MYOM1: variants seen among roughly 807,000 people sequenced by gnomAD.
MYOM1 encodes myomesin-1.
Under a neutral mutation model 205.3 loss-of-function variants are expected in MYOM1, and 164 were observed. The ratio of observed to expected loss-of-function variants is 0.80; its 90% CI spans 0.70 to 0.91. The LOEUF is 0.91. MYOM1 is among the 40% of genes least tolerant of loss of function. MYOM1 has a pLI of 0.00. For synonymous variants in MYOM1, 772 were observed against 789.4 expected (o/e 0.98, Z 0.37); for missense variants, 2,011 against 2,127.3 (o/e 0.95, Z 1.08).
chr18:3,108,702 A>G (rs1204202845), intron 22 of MYOM1, among the ~76,000 whole-genome samples: 1 of 152,086 alleles, frequency 6.6e-6, no homozygotes, highest in South Asian at 2.1e-4. Context: ...CACCACACCC[A>G]GCTAATTTTT....
At chr18:3,083,399 C>CT (rs1168927682) in intron 33 of MYOM1, among the ~76,000 whole-genome samples, 1 of 135,456 alleles carries the variant, frequency 7.4e-6, no homozygotes. Context: ...CTTTTTCTTT[C>CT]TTTCTTTTCT....
At chr18:3,128,278 G>A (rs1345920969) in intron 18 of MYOM1, among the ~76,000 whole-genome samples, 1 of 152,158 alleles carries the variant, frequency 6.6e-6, no homozygotes, top group Non-Finnish European at 1.5e-5. Context: ...CTCTCGAGTT[G>A]AGGGACAAAG....
rs765740485 is a variant in MYOM1 at position 3,174,219 on chromosome 18, A to G, written c.1023-11T>C. On this transcript the variant is annotated splice_polypyrimidine_tract_variant and intron_variant, in intron 6 of 37. Transcript: ENST00000356443. ...TCTTCAAAATCACATCTGAAAGAAC[A>G]GACGGAAATGAATATCCATCGTAGT... 23 of 1,609,076 alleles carry G rather than the reference A, an allele frequency of 1.4e-5. No homozygotes were observed. Among genetic ancestry groups the G allele is most frequent in the Non-Finnish European group, 1.9e-5 (22 of 1,176,376 alleles).
chr18:3,087,633 G>T (rs71356087), intron 29 of MYOM1, among the ~76,000 whole-genome samples: 1 of 151,702 alleles, frequency 6.6e-6, no homozygotes, highest in Non-Finnish European at 1.5e-5. Context: ...GGAACCACAG[G>T]TGCCTGCCAC....
upstream of MYOM1, among the ~76,000 whole-genome samples, chr18:3,220,659 T>C (rs1287466236): frequency 6.6e-6 from 1 of 152,236 alleles, no homozygotes; most frequent in Non-Finnish European, 1.5e-5. Context: ...TGTGAGAGCC[T>C]GTGTTGTGGA....
chr18:3,171,299 G>C (rs923483666), intron 8 of MYOM1, among the ~76,000 whole-genome samples: 5 of 152,142 alleles, frequency 3.3e-5, no homozygotes, highest in African/African-American at 1.2e-4. Context: ...AGACCAGAGA[G>C]AGAAACAACT....
chr18:3,137,784 T>C (rs181100613), intron 14 of MYOM1, among the ~76,000 whole-genome samples: 1 of 152,292 alleles, frequency 6.6e-6, no homozygotes, highest in African/African-American at 2.4e-5. Context: ...ATTTATTATA[T>C]ATTTCAAAAT....
chr18:3,242,842 A>C, the MYOM1 span, among the ~76,000 whole-genome samples: 1 of 152,146 alleles, frequency 6.6e-6, no homozygotes, highest in Non-Finnish European at 1.5e-5. Flanking sequence ...ATGAAAACAG[A>C]CTAATACTGC....
intron 21 of MYOM1, among the ~76,000 whole-genome samples, chr18:3,113,861 A>G (rs1394740756): frequency 6.6e-6 from 1 of 152,200 alleles, no homozygotes; most frequent in African/African-American, 2.4e-5. Flanking sequence ...AAGTTATTCA[A>G]TTATGTGAAG....
intron 2 of MYOM1, among the ~76,000 whole-genome samples, chr18:3,205,821 T>C (rs2144225302): frequency 6.6e-6 from 1 of 152,312 alleles, no homozygotes; most frequent in South Asian, 2.1e-4. Context: ...TCCTCACGGG[T>C]TTATTTCTTA....
intron 34 of MYOM1, among the ~76,000 whole-genome samples, chr18:3,076,247 T>C (rs1252104209): frequency 2.0e-5 from 3 of 152,094 alleles, no homozygotes; most frequent in African/African-American, 7.2e-5. Context: ...TTTGTGTTTT[T>C]AGTAGATACG....
chr18:3,134,743 T>C lies in MYOM1; in HGVS notation c.2291A>G (p.Asp764Gly). The C allele has an allele frequency of 6.2e-7, 1 of 1,613,938 alleles. No homozygotes were observed. The highest frequency in any genetic ancestry group is 8.5e-7 in the Non-Finnish European group (1 of 1,179,876). ...SVVVSWEESK[D>G]AKELVGYYIE... ...GTAGTACCCGACCAGCTCTTTGGCATCTTTGGACTCCTCCCACGAAACTAC... is the reference window on the plus strand; with the variant it reads ...GTAGTACCCGACCAGCTCTTTGGCACCTTTGGACTCCTCCCACGAAACTAC... Residue 764 changes from aspartate (D) to glycine (G), a missense_variant, in exon 16 of 38, where the codon GAT becomes GGT. By Grantham distance (94) the Asp-to-Gly change is moderately conservative. Transcript: ENST00000356443.
chr18:3,112,528 GA>G (rs2079542865), intron 21 of MYOM1, 116 bp from the exon 22 acceptor site: 1 of 646,216 alleles, frequency 1.5e-6, no homozygotes, highest in African/African-American at 1.8e-5. Context: ...TAGCACCAGG[GA>G]TACAAGACTT....
intron 26 of MYOM1, among the ~76,000 whole-genome samples, chr18:3,092,428 A>G (rs1309986483): frequency 6.6e-6 from 1 of 152,172 alleles, no homozygotes; most frequent in Non-Finnish European, 1.5e-5. Context: ...CTGAGCCTCA[A>G]GTAATTCCCC....
rs1247583664 is a variant in MYOM1 at position 3,079,223 on chromosome 18, T to C, written c.4604A>G (p.Asp1535Gly). Residue 1535 changes from aspartate to glycine, a missense_variant, in exon 34 of 38, where the codon GAT becomes GGT. Physicochemically the swap from Asp to Gly is moderately conservative, Grantham distance 94. Coordinates refer to ENST00000356443, the MANE Select transcript of MYOM1 (RefSeq NM_003803.4). ...TGTCTTCTGATGTCCAGTTTTGCCA[T>C]CAAAGAGCTCCATGACATACTTCCC... ...DKGKYVMELF[D>G]GKTGHQKTVD... 1 of 1,613,992 alleles carries C rather than the reference T, an allele frequency of 6.2e-7. No individual in the cohort carries two copies. The highest frequency in any genetic ancestry group is 1.3e-5 in the African/African-American group (1 of 75,056).
At chr18:3,213,369 A>G (rs765331393) in intron 2 of MYOM1, among the ~76,000 whole-genome samples, 4 of 152,236 alleles carry the variant, frequency 2.6e-5, no homozygotes, top group Non-Finnish European at 5.9e-5. Context: ...GCAGGTGGTT[A>G]TCGACCACAT....
At chr18:3,216,643 T>G (rs1486177107) in intron 1 of MYOM1, among the ~76,000 whole-genome samples, 2 of 152,054 alleles carry the variant, frequency 1.3e-5, no homozygotes, top group African/African-American at 4.8e-5. Context: ...GGAGATGATG[T>G]CAAAGAGGTG....
intron 8 of MYOM1, 90 bp from the exon 9 acceptor site, chr18:3,169,071 G>GAAAAAAAA: frequency 2.8e-6 from 2 of 725,066 alleles, no homozygotes; most frequent in South Asian, 2.5e-5. Flanking sequence ...AGCAGTCACA[G>GAAAAAAAA]CAAAAAAAAA....
chr18:3,208,806 C>T (rs1385826893), intron 2 of MYOM1, among the ~76,000 whole-genome samples: 2 of 152,182 alleles, frequency 1.3e-5, no homozygotes, highest in Admixed American at 6.5e-5. Context: ...GATATATCAG[C>T]AACAATAGAG....
Sources: gnomAD v4.1 joint callset for allele counts (sites outside exome capture counted in the v4.1 genomes callset) on GRCh38, gnomAD v4.1.1 for gene constraint, MANE v1.5 for transcripts, NCBI Gene and HGNC (gene_info 2026-07-23, HGNC 2026-07-21) for gene names.